The following TENM3 variants were observed in gnomAD, a reference collection of about 807,000 sequenced individuals.
The protein encoded by TENM3 is teneurin transmembrane protein 3, also known as teneurin-3.
A neutral mutation model predicts 255.1 loss-of-function variants in TENM3; 63 were observed. That is an observed-to-expected ratio of 0.25 (90% confidence interval 0.20 to 0.30). TENM3 has a LOEUF of 0.30. Among genes scored for constraint, TENM3 ranks in the 10% least tolerant of loss-of-function variants. TENM3 has a pLI of 1.00. For synonymous variants in TENM3, 1,306 were observed against 1,322.3 expected, an observed-to-expected ratio of 0.99 and a Z score of 0.27; for missense variants, 2,929 against 3,461.1, an observed-to-expected ratio of 0.85 and a Z score of 3.86.
At chr4:182,288,881 G>A (rs1361658702) in intron 1 of TENM3, among the ~76,000 whole-genome samples, 2 of 152,134 alleles carry the variant, frequency 1.3e-5, no homozygotes, top group East Asian at 3.9e-4. Context: ...ATAAATAAAG[G>A]TCGGGGGCTG....
At chr4:181,993,333 T>A in the TENM3 span, among the ~76,000 whole-genome samples, 4 of 152,306 alleles carry the variant, frequency 2.6e-5, no homozygotes, top group East Asian at 7.7e-4. Flanking sequence ...GTCAGTATAC[T>A]TTGTGATAAG....
Position 182,799,501 on chromosome 4 carries a change from T to C in TENM3, c.7345-95T>C. On this transcript the variant is annotated intron_variant, in intron 27 of 27. Coordinates refer to ENST00000511685, the MANE Select transcript of TENM3 (RefSeq NM_001080477.4). This position sits in a 1 kb window ranked among gnomAD's most constrained non-coding sequence, Gnocchi z 4.2. ...GGAAGGACCCCGGGGCTTCCATGCA[T>C]GCCCCGGCGCTGCCCCCAGAGTCCC... The C allele has an allele frequency of 6.9e-7, 1 of 1,452,624 alleles. No individual in the cohort carries two copies. The highest frequency in any genetic ancestry group is 1.4e-5 in the African/African-American group (1 of 69,434). 90.0% of individuals were successfully genotyped at this position (1,452,624 alleles called of 1,614,324 possible). A position where few individuals can be genotyped will look rare whatever the true frequency, so the allele number is the denominator to read the frequency against.
At chr4:181,979,068 A>G in the TENM3 span, among the ~76,000 whole-genome samples, 1 of 124,062 alleles carries the variant, frequency 8.1e-6, no homozygotes, top group Non-Finnish European at 1.6e-5. Context: ...TTTGTTGAAG[A>G]AGCAAAATAT....
intron 3 of TENM3, among the ~76,000 whole-genome samples, chr4:182,580,266 T>C (rs1581005454): frequency 1.3e-5 from 2 of 152,302 alleles, no homozygotes; most frequent in Middle Eastern, 6.8e-3. Context: ...TCTTTCCTTT[T>C]CTTTTGTCTT....
At chr4:182,298,984 CAAAAAAAAAAAAAAAAA>C (rs11283401) in intron 1 of TENM3, among the ~76,000 whole-genome samples, 7 of 25,554 alleles carry the variant, frequency 2.7e-4, no homozygotes, top group Non-Finnish European at 6.9e-5. Context: ...GACTCCTTCT[CAAAAAAAAAAAAAAAAA>C]AAAAAAAAAA....
chr4:182,307,743 T>G (rs1041277462), intron 1 of TENM3, among the ~76,000 whole-genome samples: 1 of 152,242 alleles, frequency 6.6e-6, no homozygotes, highest in African/African-American at 2.4e-5. Flanking sequence ...CCAAATTGAC[T>G]TACTCCAAAT....
chr4:181,663,678 CT>C, the TENM3 span, among the ~76,000 whole-genome samples: 1 of 152,076 alleles, frequency 6.6e-6, no homozygotes, highest in Non-Finnish European at 1.5e-5. Flanking sequence ...AGGAGTTTTT[CT>C]GAGTGAGGTT....
chr4:181,590,176 A>G, the TENM3 span, among the ~76,000 whole-genome samples: 1 of 152,156 alleles, frequency 6.6e-6, no homozygotes, highest in African/African-American at 2.4e-5. Context: ...CCAAGAAACC[A>G]TGTACATAAG....
intron 22 of TENM3, among the ~76,000 whole-genome samples, chr4:182,765,088 G>A (rs968246055): frequency 1.1e-4 from 17 of 151,970 alleles, no homozygotes; most frequent in African/African-American, 2.9e-4. Flanking sequence ...GTTCCGATTC[G>A]TAAATTATGA....
At chr4:181,867,369 A>G in the TENM3 span, among the ~76,000 whole-genome samples, 14 of 152,056 alleles carry the variant, frequency 9.2e-5, no homozygotes, top group African/African-American at 3.4e-4. Flanking sequence ...TGCCTTGAAG[A>G]CCATACTCAT....
chr4:181,549,300 G>A, the TENM3 span, among the ~76,000 whole-genome samples: 2 of 152,186 alleles, frequency 1.3e-5, no homozygotes, highest in South Asian at 2.1e-4. Flanking sequence ...GCTGGCAATC[G>A]CCAGGAGGAT....
chr4:181,510,166 A>T, the TENM3 span, among the ~76,000 whole-genome samples: 1 of 152,276 alleles, frequency 6.6e-6, no homozygotes, highest in Non-Finnish European at 1.5e-5. Flanking sequence ...AACTCAGACG[A>T]TGCTGAAAAG....
the TENM3 span, among the ~76,000 whole-genome samples, chr4:181,921,263 C>A: frequency 6.6e-6 from 1 of 152,238 alleles, no homozygotes; most frequent in East Asian, 1.9e-4. Context: ...TTTTCCAATT[C>A]TGTGAAGAAA....
intron 1 of TENM3, among the ~76,000 whole-genome samples, chr4:182,212,701 C>A (rs992386973): frequency 6.6e-6 from 1 of 152,132 alleles, no homozygotes; most frequent in African/African-American, 2.4e-5. Context: ...ATCCCGATAC[C>A]GCTGAACTCT....
chr4:182,422,429 A>G (rs1004902064), intron 3 of TENM3, among the ~76,000 whole-genome samples: 3 of 152,214 alleles, frequency 2.0e-5, no homozygotes, highest in Non-Finnish European at 4.4e-5. Flanking sequence ...TAACCTCGCA[A>G]CCAAGTCCCT....
intron 12 of TENM3, among the ~76,000 whole-genome samples, chr4:182,708,969 G>GTT (rs77989335): frequency 8.6e-5 from 13 of 151,180 alleles, no homozygotes; most frequent in Admixed American, 4.0e-4. Context: ...AAAGCAGTGG[G>GTT]TTTTTTTTTG....
At chr4:182,396,984 G>C (rs1768870131) in intron 3 of TENM3, among the ~76,000 whole-genome samples, 1 of 150,762 alleles carries the variant, frequency 6.6e-6, no homozygotes, top group Non-Finnish European at 1.5e-5. Context: ...TAAATATATA[G>C]AATAAAATAA....
the TENM3 span, among the ~76,000 whole-genome samples, chr4:181,510,656 G>T: frequency 1.3e-5 from 2 of 152,178 alleles, no homozygotes; most frequent in African/African-American, 2.4e-5. Context: ...GTTCTTTCTA[G>T]GGAATGGTGT....
chr4:182,033,949 T>C, the TENM3 span, among the ~76,000 whole-genome samples: 4 of 152,278 alleles, frequency 2.6e-5, no homozygotes, highest in East Asian at 7.7e-4. Context: ...GAGATGGATG[T>C]ATTAGTCTGT....
Sources: allele counts gnomAD v4.1 joint callset (sites outside exome capture counted in the v4.1 genomes callset), GRCh38; gene constraint gnomAD v4.1.1; non-coding constraint Gnocchi (gnomAD v3.1); transcripts MANE v1.5; gene names NCBI Gene and HGNC (gene_info 2026-07-23, HGNC 2026-07-21).